TTN: variants seen among roughly 807,000 people sequenced by gnomAD.
The protein encoded by TTN is connectin.
In TTN, 1,525 loss-of-function variants were observed where a neutral mutation model predicts 3,223.0. The observed-to-expected ratio is 0.47, with a 90% CI of 0.45 to 0.49. The LOEUF is 0.49. TTN is among the 20% of genes least tolerant of loss of function. The probability of loss-of-function intolerance (pLI) is 0.00; values close to 1 mark genes in which losing one functional copy is unlikely to be tolerated. For synonymous variants in TTN, 14,094 were observed against 15,161.0 expected, an observed-to-expected ratio of 0.93 and a Z score of 5.17; for missense variants, 40,786 against 43,424.0, an observed-to-expected ratio of 0.94 and a Z score of 5.40.
chr2:178,733,741 C>G lies in TTN; in HGVS notation c.15648G>C (p.Met5216Ile). 6.2e-7 allele frequency: 1 copy of G among 1,613,812 alleles called. No homozygotes were observed. Among genetic ancestry groups the G allele is most frequent in the Middle Eastern group, 1.6e-4 (1 of 6,062 alleles). The stretch of plus-strand genomic sequence containing the variant: ...AGACTGCAACACCATTGGAAAAGCT[C>G]ATTTTGATTTTTCCGTCTTCTCTGA... ...EVIREDGKIK[M>I]SFSNGVAVLI... Residue 5216 changes from methionine (M) to isoleucine (I), a missense_variant, in exon 53 of 363, where the codon ATG becomes ATC. Transcript: ENST00000589042.
Position 178,593,989 on chromosome 2 carries a change from C to T in TTN, c.58404G>A (p.Arg19468=), listed in dbSNP as rs1432510800. The change falls in exon 297 of 363, where the codon AGG becomes AGA. Residue 19468 remains arginine (R), a synonymous_variant. Transcript: ENST00000589042. Reference sequence around the variant, plus strand: ...CAACATTAACTTGACAGAAACCTTTCCTAGAGCCTGTACTGTTCTCCACAA... The same window carrying T: ...CAACATTAACTTGACAGAAACCTTTTCTAGAGCCTGTACTGTTCTCCACAA... ...CVVVENSTGS[R]KGFCQVNVVD... is the part of the protein sequence containing the mutation. 1 of 1,613,410 alleles carries T rather than the reference C, an allele frequency of 6.2e-7. No homozygotes were observed. The highest frequency in any genetic ancestry group is 8.5e-7 in the Non-Finnish European group (1 of 1,179,652).
At chr2:178,685,224 G>A in intron 129 of TTN, 29 bp downstream of exon 129, 1 of 1,478,684 alleles carries the variant, frequency 6.8e-7, no homozygotes, top group Middle Eastern at 1.9e-4. Flanking sequence ...AAAATAAATA[G>A]TGTTGCATTT....
At chr2:178,755,228 G>T (rs62179017) in intron 46 of TTN, among the ~76,000 whole-genome samples, 15,035 of 152,114 alleles carry the variant, frequency 0.099, 1,026 homozygotes, top group Non-Finnish European at 0.15. Flanking sequence ...GTTATTACTT[G>T]CCCAGACAAG....
chr2:178,774,688 T>C (rs890047489), intron 29 of TTN: 12 of 691,584 alleles, frequency 1.7e-5, no homozygotes, highest in Non-Finnish European at 2.8e-5. Context: ...GAATTATGCT[T>C]CAATAAAAAA....
In TTN at chr2:178,625,257, T is replaced by C; in HGVS notation, c.44548+16A>G. The C allele has an allele frequency of 6.2e-7, 1 of 1,603,330 alleles. No homozygotes were observed. ...CTCTGCCTTATACATGTTTTTAAAATAAGCCTTGTAATTACCTTTCACAAA... is the reference window on the plus strand; with the variant it reads ...CTCTGCCTTATACATGTTTTTAAAACAAGCCTTGTAATTACCTTTCACAAA... On this transcript the variant is annotated intron_variant, in intron 241 of 362. Coordinates refer to ENST00000589042, the MANE Select transcript of TTN (RefSeq NM_001267550.2).
At chr2:178,626,675 GA>G (rs1173920923) in intron 240 of TTN, among the ~76,000 whole-genome samples, 1 of 151,932 alleles carries the variant, frequency 6.6e-6, no homozygotes, top group Non-Finnish European at 1.5e-5. Context: ...TAACAGCTAG[GA>G]GGGGGTAGTT....
At position 178,559,731 on chromosome 2, in the gene TTN, C is replaced by A; in HGVS notation, c.86401G>T (p.Val28801Phe). Residue 28801 changes from valine to phenylalanine, a missense_variant, in exon 326 of 363, where the codon GTT (valine) becomes TTT (phenylalanine). By Grantham distance (50) the Val-to-Phe change is conservative. Transcript: ENST00000589042. ...PDTDLRTRAY[V>F]DTTDSRTSLT... is the part of the protein sequence containing the mutation. Reference sequence around the variant, plus strand: ...GATGTACGAGAGTCTGTGGTATCAACATAAGCTCTAGTACGGAGGTCAGTG... The same window carrying A: ...GATGTACGAGAGTCTGTGGTATCAAAATAAGCTCTAGTACGGAGGTCAGTG... The A allele has an allele frequency of 6.2e-7, 1 of 1,600,024 alleles. No homozygotes were observed. Among genetic ancestry groups the A allele is most frequent in the Non-Finnish European group, 8.5e-7 (1 of 1,172,430 alleles).
chr2:178,616,666 G>C, intron 256 of TTN, 36 bp from the exon 257 acceptor site: 1 of 1,611,986 alleles, frequency 6.2e-7, no homozygotes, highest in Non-Finnish European at 8.5e-7. Context: ...ACTGTTAATA[G>C]TCTGAACTAA....
intron 112 of TTN, among the ~76,000 whole-genome samples, chr2:178,698,254 G>A (rs1482927730): frequency 6.9e-6 from 1 of 144,280 alleles, no homozygotes; most frequent in Non-Finnish European, 1.5e-5. Context: ...GGGAAATGTT[G>A]GTCAAAGGGT....
chr2:178,602,392 G>C lies in TTN; in HGVS notation c.55010C>G (p.Pro18337Arg). ...GTACTTCCTGAGCTCTTTCAGATTAGGCACCACACATTCACAGGTAGTTAT... is the reference window on the plus strand; with the variant it reads ...GTACTTCCTGAGCTCTTTCAGATTACGCACCACACATTCACAGGTAGTTAT... Reference protein sequence around the residue: ...KLITTCECVVPNLKELRKYRF... With the variant: ...KLITTCECVVRNLKELRKYRF... Residue 18337 changes from proline to arginine, a missense_variant, in exon 283 of 363, where the codon CCT (proline) becomes CGT (arginine). Physicochemically the swap from Pro to Arg is moderately radical, Grantham distance 103. Transcript: ENST00000589042. The C allele has an allele frequency of 6.2e-7, 1 of 1,612,710 alleles. No homozygotes were observed. Among genetic ancestry groups the C allele is most frequent in the South Asian group, 1.1e-5 (1 of 91,034 alleles).
In TTN at chr2:178,782,849, A is replaced by G. The variant is rs1260068952; in HGVS notation, c.3057T>C (p.Asn1019=). ...DSGRFTCSAV[N]EAGTVSTSCY... is the part of the protein sequence containing the mutation. ...AGGATGTGCTGACGGTTCCAGCCTC[A>G]TTTACAGCACTGCAAGTAAATCGCC... The change falls in exon 18 of 363, where the codon AAT becomes AAC. Residue 1019 remains asparagine, a synonymous_variant. Coordinates refer to ENST00000589042, the MANE Select transcript of TTN (RefSeq NM_001267550.2). The G allele has an allele frequency of 6.2e-7, 1 of 1,613,846 alleles. No individual in the cohort carries two copies. The highest frequency in any genetic ancestry group is 1.7e-5 in the Admixed American group (1 of 60,020).
At position 178,534,503 on chromosome 2, in the gene TTN, C is replaced by G; in HGVS notation, c.102112G>C (p.Ala34038Pro). 6.2e-7 allele frequency: 1 copy of G among 1,613,768 alleles called. No individual in the cohort carries two copies. ...MNAEYTFDEEAFKEISIEAMD... is the reference protein window; with the variant it reads ...MNAEYTFDEEPFKEISIEAMD... ...GCTTCAATGCTAATCTCTTTGAATG[C>G]TTCCTCATCGAAAGTATATTCAGCA... The change falls in exon 358 of 363, where the codon GCA becomes CCA. Residue 34038 changes from alanine (A) to proline (P), a missense_variant. Ala to Pro is a conservative substitution (Grantham distance 27). Transcript: ENST00000589042.
intron 42 of TTN, 34 bp from the exon 43 acceptor site, chr2:178,764,336 A>G: frequency 1.2e-6 from 2 of 1,613,298 alleles, no homozygotes; most frequent in Non-Finnish European, 1.7e-6. Flanking sequence ...TGTCATGATT[A>G]AGTCACCATA....
chr2:178,644,643 T>C, intron 217 of TTN, 27 bp from the exon 218 acceptor site: 1 of 1,491,886 alleles, frequency 6.7e-7, no homozygotes, highest in Non-Finnish European at 9.0e-7. Flanking sequence ...TTTACTTTTG[T>C]TATTTGTATA....
In TTN at chr2:178,577,258, A is replaced by G. The variant is rs375365023; in HGVS notation, c.69077T>C (p.Phe23026Ser). The G allele has an allele frequency of 9.9e-6, 16 of 1,612,706 alleles. No individual in the cohort carries two copies. The highest frequency in any genetic ancestry group is 4.5e-5 in the East Asian group (2 of 44,668). Residue 23026 changes from phenylalanine to serine, a missense_variant, in exon 324 of 363, where the codon TTT becomes TCT. Transcript: ENST00000589042. ...GEYTITATNP[F>S]GTKVEHVKVT... Reference sequence around the variant, plus strand: ...CTTCACATGTTCCACCTTCGTGCCAAAAGGATTGGTAGCAGTGATGGTATA... The same window carrying G: ...CTTCACATGTTCCACCTTCGTGCCAGAAGGATTGGTAGCAGTGATGGTATA...
In TTN at chr2:178,706,957, GA is replaced by G. The variant is rs1345117628; in HGVS notation, c.29042-4del. ...TGCTGGGGCCACAGCTGGTTTGTCT[GA>G]AAAAACATTTACATGTTTTGTTACT... On this transcript the variant is annotated splice_polypyrimidine_tract_variant and splice_region_variant and intron_variant, in intron 100 of 362. Transcript: ENST00000589042. 1 of 1,598,194 alleles carries G rather than the reference GA, an allele frequency of 6.3e-7. No individual in the cohort carries two copies. The highest frequency in any genetic ancestry group is 8.5e-7 in the Non-Finnish European group (1 of 1,173,120).
At chr2:178,673,769 C>G (rs2067461417) in intron 151 of TTN, 59 bp from the exon 152 acceptor site, 1 of 1,130,930 alleles carries the variant, frequency 8.8e-7, no homozygotes, top group Admixed American at 2.4e-5. Flanking sequence ...GAACACCACC[C>G]ATATACCAAT....
At position 178,785,721 on chromosome 2, in the gene TTN, T is replaced by A; in HGVS notation, c.2392A>T (p.Thr798Ser). The change falls in exon 15 of 363, where the codon ACA (threonine) becomes TCA (serine). Residue 798 changes from threonine (T) to serine (S), a missense_variant. Coordinates refer to ENST00000589042, the MANE Select transcript of TTN (RefSeq NM_001267550.2). ...SSQIKKTTDL[T>S]TERLVHVDKR... ...TCCACATGGACTAATCTTTCCGTTG[T>A]TAGATCTGTAGTTTTCTTGATCTGC... The A allele has an allele frequency of 6.2e-7, 1 of 1,614,210 alleles. No homozygotes were observed. Among genetic ancestry groups the A allele is most frequent in the Non-Finnish European group, 8.5e-7 (1 of 1,180,016 alleles).
Position 178,566,538 on chromosome 2 carries a change from C to G in TTN, c.79594G>C (p.Glu26532Gln). The change falls in exon 326 of 363, where the codon GAA (glutamate) becomes CAA (glutamine). Residue 26532 changes from glutamate (E) to glutamine (Q), a missense_variant. By Grantham distance (29) the Glu-to-Gln change is conservative. Transcript: ENST00000589042. ...YVVEICKADE[E>Q]EWQIVTPQTG... ...TGTGGAGTAACTATTTGCCATTCTTCTTCATCTGCTTTACAGATTTCTACT... is the reference window on the plus strand; with the variant it reads ...TGTGGAGTAACTATTTGCCATTCTTGTTCATCTGCTTTACAGATTTCTACT... 6.2e-7 allele frequency: 1 copy of G among 1,613,354 alleles called. No individual in the cohort carries two copies. Among genetic ancestry groups the G allele is most frequent in the Non-Finnish European group, 8.5e-7 (1 of 1,179,688 alleles).
Sources: allele counts gnomAD v4.1 joint callset (sites outside exome capture counted in the v4.1 genomes callset), GRCh38; gene constraint gnomAD v4.1.1; transcripts MANE v1.5; gene names NCBI Gene and HGNC (gene_info 2026-07-23, HGNC 2026-07-21).